SPATA13: variants seen among roughly 807,000 people sequenced by gnomAD.
SPATA13 encodes spermatogenesis-associated protein 13.
SPATA13 carries 50 observed loss-of-function variants against 104.0 expected under a neutral mutation model. The observed-to-expected ratio is 0.48, with a 90% confidence interval of 0.38 to 0.61. The LOEUF is 0.61. Among genes scored for constraint, SPATA13 ranks in the 20% least tolerant of loss-of-function variants. The probability of loss-of-function intolerance (pLI) is 0.00; values close to 1 mark genes in which losing one functional copy is unlikely to be tolerated. For synonymous variants in SPATA13, 606 were observed against 667.5 expected, an observed-to-expected ratio of 0.91 and a Z score of 1.42; for missense variants, 1,524 against 1,690.6, an observed-to-expected ratio of 0.90 and a Z score of 1.73.
chr13:24,109,804 T>A (rs114039620), intron 3 of SPATA13, among the ~76,000 whole-genome samples: 38 of 152,132 alleles, frequency 2.5e-4, no homozygotes, highest in African/African-American at 8.7e-4. Context: ...CTCTGGTAAA[T>A]ACATCTGCAA....
At chr13:24,116,448 TG>T (rs1451720069) in intron 3 of SPATA13, among the ~76,000 whole-genome samples, 1 of 151,988 alleles carries the variant, frequency 6.6e-6, no homozygotes, top group Non-Finnish European at 1.5e-5. Flanking sequence ...CAGCAGCAGG[TG>T]GGGATCGTGG....
At chr13:24,230,572 T>C (rs1041101497) in intron 2 of SPATA13, among the ~76,000 whole-genome samples, 5 of 152,190 alleles carry the variant, frequency 3.3e-5, no homozygotes, top group African/African-American at 1.2e-4. Flanking sequence ...GTTCTCGACC[T>C]TTGCTAAACC....
intron 3 of SPATA13, among the ~76,000 whole-genome samples, chr13:24,117,449 T>C (rs1269313134): frequency 6.6e-6 from 1 of 152,228 alleles, no homozygotes; most frequent in Non-Finnish European, 1.5e-5. Context: ...TTGGGTTTAC[T>C]GTTTCTCACC....
intron 2 of SPATA13, among the ~76,000 whole-genome samples, chr13:24,233,781 G>A (rs1872411386): frequency 6.6e-6 from 1 of 152,102 alleles, no homozygotes; most frequent in Admixed American, 6.6e-5. Flanking sequence ...TTATGTACTT[G>A]TGAAGTTCTA....
At chr13:24,157,519 C>G (rs567290790), upstream of SPATA13, among the ~76,000 whole-genome samples, 1 of 152,140 alleles carries the variant, frequency 6.6e-6, no homozygotes, top group South Asian at 2.1e-4. Context: ...CCAGGATGGT[C>G]TCGATCTCCT....
At chr13:24,280,461 GC>G (rs749127202) in intron 4 of SPATA13, among the ~76,000 whole-genome samples, 8 of 149,944 alleles carry the variant, frequency 5.3e-5, no homozygotes, top group Non-Finnish European at 1.2e-4. Flanking sequence ...TGGGTGGGAA[GC>G]CCCAATGCCT....
At position 24,251,368 on chromosome 13, in the gene SPATA13, T is replaced by C. The variant is rs1374364193; in HGVS notation, c.2020-350T>C. The C allele has an allele frequency of 5.6e-6, 4 of 717,964 alleles. No homozygotes were observed. In the African/African-American group the frequency reaches 7.7e-5, roughly 14 times the overall value. 44.5% of individuals were successfully genotyped at this position (717,964 alleles called of 1,614,324 possible). ...CAGAGGCCACCCCTGGGAAAGCATCTTCTTACCCTTGTGACCCTGCATCTG... is the reference window on the plus strand; with the variant it reads ...CAGAGGCCACCCCTGGGAAAGCATCCTCTTACCCTTGTGACCCTGCATCTG... On this transcript the variant is annotated intron_variant, in intron 3 of 12. Coordinates refer to ENST00000382108, the MANE Select transcript of SPATA13 (RefSeq NM_001166271.3).
intron 4 of SPATA13, 78 bp from the exon 5 acceptor site, chr13:24,284,057 T>C (rs1456768476): frequency 1.3e-6 from 2 of 1,499,304 alleles, no homozygotes; most frequent in African/African-American, 2.8e-5. Context: ...TGGGAGTATG[T>C]TACCAAATTT....
At chr13:24,029,450 A>G (rs1244099455) in intron 3 of SPATA13, among the ~76,000 whole-genome samples, 3 of 152,228 alleles carry the variant, frequency 2.0e-5, no homozygotes, top group Non-Finnish European at 2.9e-5. Flanking sequence ...TAGGGTTGCC[A>G]TAAAAAATAC....
chr13:24,025,997 G>T (rs1877196167), intron 3 of SPATA13, among the ~76,000 whole-genome samples: 1 of 152,122 alleles, frequency 6.6e-6, no homozygotes, highest in East Asian at 1.9e-4. Context: ...TAGAGATGGG[G>T]TTTCACCATG....
At chr13:24,163,217 C>G (rs1306971895) in intron 1 of SPATA13, among the ~76,000 whole-genome samples, 1 of 152,140 alleles carries the variant, frequency 6.6e-6, no homozygotes, top group East Asian at 1.9e-4. Flanking sequence ...GGCAGCATAG[C>G]AAGACCCCAT....
At chr13:24,099,013 A>G (rs1160338311) in intron 3 of SPATA13, among the ~76,000 whole-genome samples, 2 of 151,818 alleles carry the variant, frequency 1.3e-5, no homozygotes, top group African/African-American at 4.8e-5. Flanking sequence ...TGAGCTGAGG[A>G]GTTTGAGGCT....
chr13:24,176,686 T>C (rs1868453703), intron 1 of SPATA13, among the ~76,000 whole-genome samples: 2 of 152,206 alleles, frequency 1.3e-5, no homozygotes, highest in Admixed American at 1.3e-4. Flanking sequence ...TCTGTGAAAA[T>C]GGAGCTTGGT....
chr13:24,041,207 G>T (rs961002094), intron 3 of SPATA13, among the ~76,000 whole-genome samples: 5 of 152,198 alleles, frequency 3.3e-5, no homozygotes, highest in African/African-American at 1.2e-4. Context: ...GGAGAAGCTT[G>T]TTTGTTAAAT....
At chr13:24,121,755 A>G (rs1182582232) in intron 3 of SPATA13, among the ~76,000 whole-genome samples, 3 of 152,170 alleles carry the variant, frequency 2.0e-5, no homozygotes, top group African/African-American at 2.4e-5. Context: ...TGCCTTCATG[A>G]CATCCCCTCG....
intron 4 of SPATA13, among the ~76,000 whole-genome samples, chr13:24,283,719 G>T (rs548014164): frequency 6.6e-6 from 1 of 152,314 alleles, no homozygotes; most frequent in South Asian, 2.1e-4. Flanking sequence ...TAGTAATACT[G>T]TTGCCTTGCA....
chr13:24,013,278 A>T (rs1001959284), intron 2 of SPATA13, among the ~76,000 whole-genome samples: 3 of 152,198 alleles, frequency 2.0e-5, no homozygotes, highest in East Asian at 3.9e-4. Flanking sequence ...CTCTGATTTC[A>T]TCTGAGCACC....
intron 3 of SPATA13, among the ~76,000 whole-genome samples, chr13:24,143,689 C>A (rs555032088): frequency 6.6e-6 from 1 of 152,132 alleles, no homozygotes; most frequent in Non-Finnish European, 1.5e-5. Flanking sequence ...GAACCCGAAA[C>A]GTCCTCCAGG....
rs1881266815 is a variant in SPATA13 at position 24,127,735 on chromosome 13, TG to T, written c.-111-95083del. On this transcript the variant is annotated intron_variant, in intron 3 of 14. Transcript: ENST00000424834. ...TGGTTGCTGAACAGTGATCAGGTTC[TG>T]AAAAAAAGCAAAAAATACTGACTTG... Among the ~76,000 whole-genome samples the T allele has an allele frequency of 4.6e-5, 7 of 152,318 alleles. No homozygotes were observed. In the South Asian group the frequency reaches 1.4e-3, roughly 32 times the overall value.
Sources: gnomAD v4.1 joint callset for allele counts (sites outside exome capture counted in the v4.1 genomes callset) on GRCh38, gnomAD v4.1.1 for gene constraint, MANE v1.5 for transcripts, NCBI Gene and HGNC (gene_info 2026-07-23, HGNC 2026-07-21) for gene names.